OPCML: variants seen among roughly 807,000 people sequenced by gnomAD.
The protein encoded by OPCML is opioid-binding protein/cell adhesion molecule.
In OPCML, 13 loss-of-function variants were observed where a neutral mutation model predicts 37.8. The ratio of observed to expected loss-of-function variants is 0.34; its 90% CI spans 0.22 to 0.55. OPCML has a LOEUF of 0.55. Ranked by LOEUF, OPCML falls within the 20% of genes least tolerant of loss-of-function variation. The pLI, the probability that OPCML is intolerant of heterozygous loss-of-function variation, is 0.91. For missense variants in OPCML, 341 were observed against 435.6 expected, an observed-to-expected ratio of 0.78 and a Z score of 1.93; for synonymous variants, 176 against 168.8, an observed-to-expected ratio of 1.04 and a Z score of -0.33.
rs976324287 is a variant in OPCML at position 132,692,966 on chromosome 11, C to G, written c.147-35647G>C. Among the ~76,000 whole-genome samples the G allele has an allele frequency of 2.6e-5, 4 of 152,278 alleles. No individual in the cohort carries two copies. In the South Asian group the frequency reaches 6.2e-4, roughly 24 times the overall value. ...GAAATCATGCTTTGCAATTCAAACTCCCAACTTCATAGTACAATGCACAGT... is the reference window on the plus strand; with the variant it reads ...GAAATCATGCTTTGCAATTCAAACTGCCAACTTCATAGTACAATGCACAGT... On this transcript the variant is annotated intron_variant, in intron 2 of 7. Coordinates refer to ENST00000524381, the MANE Select transcript of OPCML (RefSeq NM_001012393.5).
chr11:133,524,615 G>A (rs1349219898), intron 1 of OPCML, among the ~76,000 whole-genome samples: 2 of 152,202 alleles, frequency 1.3e-5, no homozygotes, highest in African/African-American at 2.4e-5. Flanking sequence ...TTTACGGAAC[G>A]ACTCACACTC....
chr11:133,292,444 C>G (rs1319733688), intron 1 of OPCML, among the ~76,000 whole-genome samples: 1 of 152,088 alleles, frequency 6.6e-6, no homozygotes, highest in Non-Finnish European at 1.5e-5. Flanking sequence ...GCGGCGATCC[C>G]TTCAATATTA....
chr11:133,112,285 CA>C (rs370146450), intron 1 of OPCML, among the ~76,000 whole-genome samples: 78 of 49,138 alleles, frequency 1.6e-3, no homozygotes, highest in South Asian at 2.3e-3. Flanking sequence ...GACTCTTGGC[CA>C]AAAAAAAAAA....
At position 133,212,412 on chromosome 11, in the gene OPCML, G is replaced by C. The variant is rs1465992057; in HGVS notation, c.62-269402C>G. ...GTTCATCAAATACATCAAGAATTTC[G>C]TATGCCCTGCTTCCACTTCCTGGAA... is the stretch of plus-strand genomic sequence containing the variant. On this transcript the variant is annotated intron_variant, in intron 1 of 7. Coordinates refer to ENST00000524381, the MANE Select transcript of OPCML (RefSeq NM_001012393.5). The surrounding 1 kb of genome is among the most constrained non-coding windows in gnomAD (Gnocchi z 4.9). 6.6e-6 allele frequency among the ~76,000 whole-genome samples: 1 copy of C among 152,134 alleles called. No individual in the cohort carries two copies. The highest frequency in any genetic ancestry group is 2.4e-5 in the African/African-American group (1 of 41,488).
At chr11:132,663,680 T>C (rs926003029) in intron 2 of OPCML, among the ~76,000 whole-genome samples, 6 of 152,184 alleles carry the variant, frequency 3.9e-5, no homozygotes, top group Non-Finnish European at 7.3e-5. Context: ...ACTGTAGTAA[T>C]GAAGGTTCCC....
chr11:133,207,857 G>A (rs73027320), intron 1 of OPCML, among the ~76,000 whole-genome samples: 2,188 of 152,168 alleles, frequency 0.014, 24 homozygotes, highest in East Asian at 0.022. Context: ...CCTTCCTGCC[G>A]TAGTTCTCCT....
chr11:132,952,549 G>T lies in OPCML; in HGVS notation c.62-9539C>A, dbSNP rs189884239. ...CTGCTAACCTAAGGGCAGAATTCAGGACCCTTAAATCCCAACCTGCTTCTC... is the reference window on the plus strand; with the variant it reads ...CTGCTAACCTAAGGGCAGAATTCAGTACCCTTAAATCCCAACCTGCTTCTC... On this transcript the variant is annotated intron_variant, in intron 1 of 7. Transcript: ENST00000524381. Among the ~76,000 whole-genome samples the T allele has an allele frequency of 1.0e-3, 158 of 152,230 alleles. 1 individual carries two copies. Among genetic ancestry groups the T allele is most frequent in the African/African-American group, 3.7e-3 (152 of 41,526 alleles).
intron 3 of OPCML, among the ~76,000 whole-genome samples, chr11:132,565,686 T>C (rs753971063): frequency 1.3e-5 from 2 of 152,242 alleles, no homozygotes; most frequent in Non-Finnish European, 2.9e-5. Context: ...CCAATGTGTC[T>C]TCTGCTTTCA....
intron 2 of OPCML, among the ~76,000 whole-genome samples, chr11:132,941,420 A>T (rs1435362682): frequency 1.3e-5 from 2 of 152,234 alleles, no homozygotes; most frequent in African/African-American, 4.8e-5. Context: ...GTGTGGCAGC[A>T]TCAACATCCC....
intron 2 of OPCML, among the ~76,000 whole-genome samples, chr11:132,852,611 G>GAA (rs146990273): frequency 2.7e-5 from 4 of 145,722 alleles, no homozygotes; most frequent in Middle Eastern, 3.5e-3. Context: ...GCACAAAGGA[G>GAA]AAAAAAAAAA....
At chr11:133,263,747 G>C (rs1353755279) in intron 1 of OPCML, among the ~76,000 whole-genome samples, 2 of 152,144 alleles carry the variant, frequency 1.3e-5, no homozygotes, top group Non-Finnish European at 2.9e-5. Context: ...AGATTCTGCT[G>C]AACTGCGACA....
intron 4 of OPCML, among the ~76,000 whole-genome samples, chr11:132,518,244 A>G (rs2137228834): frequency 6.6e-6 from 1 of 152,062 alleles, no homozygotes; most frequent in South Asian, 2.1e-4. Flanking sequence ...CACCCCCGAC[A>G]GGCCCCAGTG....
chr11:132,996,875 T>C (rs1172984213), intron 1 of OPCML, among the ~76,000 whole-genome samples: 4 of 152,198 alleles, frequency 2.6e-5, no homozygotes, highest in Non-Finnish European at 5.9e-5. Flanking sequence ...CATTTATCGC[T>C]CAGTGACAGA....
chr11:132,459,734 C>T (rs545634666), intron 4 of OPCML, among the ~76,000 whole-genome samples: 188 of 98,360 alleles, frequency 1.9e-3, no homozygotes, highest in African/African-American at 7.3e-3. Flanking sequence ...CTTCGTTATA[C>T]GAAAGTTAAA....
At chr11:132,580,639 T>TTCAG (rs2096460256) in intron 3 of OPCML, among the ~76,000 whole-genome samples, 1 of 152,198 alleles carries the variant, frequency 6.6e-6, no homozygotes, top group Admixed American at 6.5e-5. Context: ...TACTAATACT[T>TTCAG]TCAGCACACA....
intron 2 of OPCML, among the ~76,000 whole-genome samples, chr11:132,826,358 G>A (rs1403700458): frequency 6.6e-6 from 1 of 152,202 alleles, no homozygotes; most frequent in Non-Finnish European, 1.5e-5. Flanking sequence ...TTCATGCCAG[G>A]AAGGGTTTCT....
intron 1 of OPCML, among the ~76,000 whole-genome samples, chr11:133,391,825 A>G (rs1945180124): frequency 6.6e-6 from 1 of 152,186 alleles, no homozygotes; most frequent in African/African-American, 2.4e-5. Flanking sequence ...ATTCCAATCA[A>G]TCTGAGAGTT....
intron 2 of OPCML, among the ~76,000 whole-genome samples, chr11:132,885,554 G>A (rs1460443618): frequency 2.0e-5 from 3 of 152,114 alleles, no homozygotes; most frequent in Non-Finnish European, 2.9e-5. Context: ...TTTTGTGAAT[G>A]ACACCTTGGA....
chr11:132,648,202 C>T (rs1264255901), intron 3 of OPCML, among the ~76,000 whole-genome samples: 2 of 152,132 alleles, frequency 1.3e-5, no homozygotes, highest in African/African-American at 4.8e-5. Flanking sequence ...ATATGAGGGT[C>T]ATGGTGGACA....
Sources: allele counts gnomAD v4.1 joint callset (sites outside exome capture counted in the v4.1 genomes callset), GRCh38; gene constraint gnomAD v4.1.1; non-coding constraint Gnocchi (gnomAD v3.1); transcripts MANE v1.5; gene names NCBI Gene and HGNC (gene_info 2026-07-23, HGNC 2026-07-21).